The following ZNF33B variants were observed in gnomAD, a reference collection of about 807,000 sequenced individuals.
ZNF33B encodes zinc finger protein 11b (KOX 2).
A neutral mutation model predicts 45.8 loss-of-function variants in ZNF33B; 29 were observed. The ratio of observed to expected loss-of-function variants is 0.63; its 90% CI spans 0.47 to 0.86. The LOEUF (loss-of-function observed/expected upper bound fraction) is 0.86, where lower values mean the gene tolerates loss of function less well. Among genes scored for constraint, ZNF33B ranks in the 40% least tolerant of loss-of-function variants. ZNF33B has a pLI of 0.00. For missense variants in ZNF33B, 831 were observed against 909.9 expected (o/e 0.91, Z 1.12); for synonymous variants, 305 against 307.8 (o/e 0.99, Z 0.10).
At chr10:42,614,797 TAC>T (rs987977522) in intron 4 of ZNF33B, among the ~76,000 whole-genome samples, 3 of 151,610 alleles carry the variant, frequency 2.0e-5, no homozygotes, top group Non-Finnish European at 4.4e-5. Context: ...CCACAAAAAA[TAC>T]AAAAATTAGC....
At chr10:42,633,082 A>T (rs1355401442) in intron 2 of ZNF33B, among the ~76,000 whole-genome samples, 3 of 152,248 alleles carry the variant, frequency 2.0e-5, no homozygotes, top group Non-Finnish European at 4.4e-5. Flanking sequence ...AAATCACAGA[A>T]ATAAATTGTC....
At chr10:42,604,447 TTAAAAA>T (rs756200948) in intron 4 of ZNF33B, among the ~76,000 whole-genome samples, 33 of 151,676 alleles carry the variant, frequency 2.2e-4, no homozygotes, top group Non-Finnish European at 3.4e-4. Context: ...TGTATCAAAA[TTAAAAA>T]TAAAAATAAA....
At position 42,592,308 on chromosome 10, in the gene ZNF33B, G is replaced by C. The variant is rs1837161731; in HGVS notation, c.*305C>G. The C allele has an allele frequency of 3.5e-6, 2 of 568,156 alleles. No homozygotes were observed. The highest frequency in any genetic ancestry group is 5.0e-6 in the Non-Finnish European group (2 of 398,130). 35.2% of individuals were successfully genotyped at this position (568,156 alleles called of 1,614,324 possible). A position where few individuals can be genotyped will look rare whatever the true frequency, so the allele number is the denominator to read the frequency against. Reference sequence around the variant, plus strand: ...TCTTAAATTGACAATTTTCTCCTCAGTGTAAATGCTAACATAATCCTATTT... The same window carrying C: ...TCTTAAATTGACAATTTTCTCCTCACTGTAAATGCTAACATAATCCTATTT... On this transcript the variant is annotated 3_prime_UTR_variant, in exon 5 of 5. Coordinates refer to ENST00000359467, the MANE Select transcript of ZNF33B (RefSeq NM_006955.3).
chr10:42,624,119 C>A (rs1838702600), intron 4 of ZNF33B, among the ~76,000 whole-genome samples: 1 of 152,164 alleles, frequency 6.6e-6, no homozygotes, highest in Non-Finnish European at 1.5e-5. Context: ...TTCCTCTACG[C>A]ACATGGAGAG....
At chr10:42,585,388 C>G (rs537155686), downstream of ZNF33B, among the ~76,000 whole-genome samples, 33 of 152,302 alleles carry the variant, frequency 2.2e-4, no homozygotes, top group South Asian at 2.7e-3. Context: ...AGAGACACAT[C>G]CACACTTCAC....
intron 2 of ZNF33B, among the ~76,000 whole-genome samples, chr10:42,635,809 C>CAAAAA (rs35517157): frequency 9.7e-6 from 1 of 102,882 alleles, no homozygotes; most frequent in African/African-American, 3.3e-5. Context: ...ACTCTGTATC[C>CAAAAA]AAAAAAAAAA....
chr10:42,602,128 T>C (rs533968637), intron 4 of ZNF33B, among the ~76,000 whole-genome samples: 1 of 152,170 alleles, frequency 6.6e-6, no homozygotes, highest in South Asian at 2.1e-4. Context: ...GGTTTCATCA[T>C]GTTGCCCAGG....
chr10:42,619,958 T>C (rs1838497194), intron 4 of ZNF33B, among the ~76,000 whole-genome samples: 1 of 152,088 alleles, frequency 6.6e-6, no homozygotes, highest in Non-Finnish European at 1.5e-5. Context: ...CTCATGCCTG[T>C]AATCTCAAGC....
intron 4 of ZNF33B, among the ~76,000 whole-genome samples, chr10:42,625,195 GTTTCCCAATC>G (rs1386656353): frequency 1.3e-5 from 2 of 151,990 alleles, no homozygotes; most frequent in Non-Finnish European, 2.9e-5. Context: ...ACAAAGTTGA[GTTTCCCAATC>G]TATCAAGAGA....
intron 1 of ZNF33B, 141 bp from the exon 2 acceptor site, chr10:42,637,113 G>C: frequency 4.2e-6 from 3 of 720,278 alleles, no homozygotes; most frequent in Non-Finnish European, 7.0e-6. Flanking sequence ...CTGACACTTC[G>C]GAATAGGGGG....
intron 4 of ZNF33B, among the ~76,000 whole-genome samples, chr10:42,628,100 T>C (rs1182895277): frequency 6.6e-6 from 1 of 152,164 alleles, no homozygotes; most frequent in Non-Finnish European, 1.5e-5. Context: ...CACTGGAACC[T>C]TTGCCTCCCA....
At chr10:42,622,666 T>C (rs1564521771) in intron 4 of ZNF33B, among the ~76,000 whole-genome samples, 2 of 152,022 alleles carry the variant, frequency 1.3e-5, no homozygotes, top group Non-Finnish European at 2.9e-5. Context: ...ACAGACAAAA[T>C]AGATTAGAGG....
chr10:42,628,188 G>T (rs191181366), intron 4 of ZNF33B, among the ~76,000 whole-genome samples: 1 of 152,286 alleles, frequency 6.6e-6, no homozygotes, highest in African/African-American at 2.4e-5. Context: ...GCTAATTTTT[G>T]TATTTTTAGT....
chr10:42,610,747 TCAACACAATCCTTAC>T (rs1838066679), intron 4 of ZNF33B, among the ~76,000 whole-genome samples: 1 of 152,152 alleles, frequency 6.6e-6, no homozygotes, highest in African/African-American at 2.4e-5. Flanking sequence ...ATATCTAAAT[TCAACACAATCCTTAC>T]CAAAATCCCA....
chr10:42,636,724 GC>G, intron 2 of ZNF33B, 195 bp downstream of exon 2: 3 of 658,854 alleles, frequency 4.6e-6, no homozygotes, highest in Non-Finnish European at 5.1e-6. Context: ...GGAGGCTGAG[GC>G]AGGTGAATTG....
chr10:42,620,548 C>T (rs1163254553), intron 4 of ZNF33B, among the ~76,000 whole-genome samples: 1 of 151,696 alleles, frequency 6.6e-6, no homozygotes, highest in East Asian at 1.9e-4. Flanking sequence ...AACCACAGCG[C>T]ACACCACCAC....
intron 4 of ZNF33B, among the ~76,000 whole-genome samples, chr10:42,615,181 A>G (rs1054084191): frequency 5.3e-5 from 8 of 152,202 alleles, no homozygotes; most frequent in Admixed American, 4.6e-4. Context: ...AGAAAGTTAA[A>G]CACAGAGACA....
chr10:42,600,747 T>C (rs895579968), intron 4 of ZNF33B, among the ~76,000 whole-genome samples: 1 of 152,248 alleles, frequency 6.6e-6, no homozygotes, highest in African/African-American at 2.4e-5. Context: ...TAGTATATAC[T>C]TTACTTCTTT....
chr10:42,605,520 TC>T (rs1237637619), intron 4 of ZNF33B, among the ~76,000 whole-genome samples: 6 of 151,984 alleles, frequency 3.9e-5, no homozygotes, highest in Non-Finnish European at 8.8e-5. Flanking sequence ...AAATTTAAAA[TC>T]CTCAAATTAA....
Sources: allele counts gnomAD v4.1 joint callset (sites outside exome capture counted in the v4.1 genomes callset), GRCh38; gene constraint gnomAD v4.1.1; transcripts MANE v1.5; gene names NCBI Gene and HGNC (gene_info 2026-07-23, HGNC 2026-07-21).